Variants in GRIA2 observed in about 807,000 individuals in gnomAD.
GRIA2 encodes glutamate receptor 2.
In GRIA2, 14 loss-of-function variants were observed where a neutral mutation model predicts 97.3. The ratio of observed to expected loss-of-function variants is 0.14; its 90% confidence interval spans 0.10 to 0.23. The LOEUF (loss-of-function observed/expected upper bound fraction) is 0.23, where lower values mean the gene tolerates loss of function less well. GRIA2 is among the 10% of genes least tolerant of loss of function. The pLI, the probability that GRIA2 is intolerant of heterozygous loss-of-function variation, is 1.00. For missense variants in GRIA2, 558 were observed against 1,069.8 expected (o/e 0.52, Z 6.67); for synonymous variants, 412 against 387.8 (o/e 1.06, Z -0.73).
At chr4:157,276,237 T>C (rs1023800763) in intron 2 of GRIA2, among the ~76,000 whole-genome samples, 7 of 152,070 alleles carry the variant, frequency 4.6e-5, no homozygotes, top group Admixed American at 6.6e-5. Flanking sequence ...AACAGAAAGA[T>C]AGCTGGAAAA....
chr4:157,332,134 G>T (rs897855112), intron 6 of GRIA2, among the ~76,000 whole-genome samples: 5 of 152,040 alleles, frequency 3.3e-5, no homozygotes, highest in African/African-American at 1.2e-4. Flanking sequence ...ACAATGCCTT[G>T]TACACATGTA....
intron 2 of GRIA2, among the ~76,000 whole-genome samples, chr4:157,252,558 A>C (rs1310165988): frequency 6.6e-6 from 1 of 152,076 alleles, no homozygotes; most frequent in African/African-American, 2.4e-5. Context: ...GTGTGTGGTA[A>C]TATTGAGGAA....
At chr4:157,314,259 T>C (rs949736021) in intron 4 of GRIA2, among the ~76,000 whole-genome samples, 13 of 152,196 alleles carry the variant, frequency 8.5e-5, no homozygotes, top group African/African-American at 3.1e-4. Context: ...AGGAAAAAAT[T>C]TGATTCATTA....
At chr4:157,268,458 G>A (rs1050321881) in intron 2 of GRIA2, among the ~76,000 whole-genome samples, 1 of 151,816 alleles carries the variant, frequency 6.6e-6, no homozygotes, top group African/African-American at 2.4e-5. Context: ...AAAAATAATA[G>A]TACATACCTC....
At chr4:157,353,220 C>A (rs533875059) in intron 12 of GRIA2, among the ~76,000 whole-genome samples, 5 of 151,968 alleles carry the variant, frequency 3.3e-5, no homozygotes, top group African/African-American at 1.2e-4. Context: ...AGCGTGGTGG[C>A]GCATGCCTGT....
At chr4:157,307,106 T>A (rs6827338) in intron 3 of GRIA2, among the ~76,000 whole-genome samples, 53,878 of 151,822 alleles carry the variant, frequency 0.35, 10,018 homozygotes, top group African/African-American at 0.47. Flanking sequence ...ATATATTGGT[T>A]AATTATAATG....
At chr4:157,335,347 T>A (rs1735235097) in intron 9 of GRIA2, 1 of 307,546 alleles carries the variant, frequency 3.3e-6, no homozygotes, top group Non-Finnish European at 6.2e-6. Context: ...ATAAAATAGG[T>A]TTTGAGCAGT....
intron 2 of GRIA2, among the ~76,000 whole-genome samples, chr4:157,263,673 T>C (rs1399285803): frequency 6.6e-6 from 1 of 152,160 alleles, no homozygotes; most frequent in Admixed American, 6.6e-5. Flanking sequence ...AATTTAATAG[T>C]GTGTTGAGTT....
chr4:157,306,672 A>G (rs1176346753), intron 3 of GRIA2, among the ~76,000 whole-genome samples: 2 of 151,994 alleles, frequency 1.3e-5, no homozygotes, highest in Non-Finnish European at 2.9e-5. Flanking sequence ...AAAAGACTTG[A>G]CCTTTGTGTA....
chr4:157,241,225 A>C (rs1297530542), intron 2 of GRIA2, among the ~76,000 whole-genome samples: 1 of 152,144 alleles, frequency 6.6e-6, no homozygotes, highest in Admixed American at 6.6e-5. Flanking sequence ...TGAAAATTAC[A>C]TTTCCTTAGA....
intron 2 of GRIA2, among the ~76,000 whole-genome samples, chr4:157,245,766 G>C (rs976204013): frequency 1.3e-5 from 2 of 151,984 alleles, no homozygotes; most frequent in African/African-American, 4.8e-5. Context: ...TTTTGCCTAT[G>C]TCTGTCTGAA....
intron 2 of GRIA2, among the ~76,000 whole-genome samples, chr4:157,291,282 A>G (rs188830696): frequency 3.4e-4 from 51 of 151,984 alleles, no homozygotes; most frequent in African/African-American, 1.2e-3. Flanking sequence ...GTTTAGCTCC[A>G]TCTTCTGGCC....
rs192135311 is a variant in GRIA2 at position 157,291,413 on chromosome 4, G to A, written c.230-12139G>A. ...AAATAGACAATAACTAAATATTGAT[G>A]TTATGTAACTTGCAATATATTTTCT... On this transcript the variant is annotated intron_variant, in intron 2 of 15. Transcript: ENST00000264426. 2.7e-3 allele frequency among the ~76,000 whole-genome samples: 416 copies of A among 151,926 alleles called. 4 individuals carry two copies. The highest frequency in any genetic ancestry group is 9.4e-3 in the African/African-American group (392 of 41,514).
intron 2 of GRIA2, among the ~76,000 whole-genome samples, chr4:157,249,160 G>GTGCTAGACGCAGT (rs1451363381): frequency 2.6e-5 from 4 of 152,104 alleles, no homozygotes; most frequent in Non-Finnish European, 4.4e-5. Flanking sequence ...TACCTCAAAT[G>GTGCTAGACGCAGT]TGCTAGACGC....
intron 2 of GRIA2, among the ~76,000 whole-genome samples, chr4:157,288,696 A>G (rs1292344138): frequency 6.6e-6 from 1 of 151,808 alleles, no homozygotes; most frequent in African/African-American, 2.4e-5. Flanking sequence ...TTAGAAACAG[A>G]CAAATATCCT....
At chr4:157,305,965 A>G (rs1733823785) in intron 3 of GRIA2, among the ~76,000 whole-genome samples, 1 of 152,144 alleles carries the variant, frequency 6.6e-6, no homozygotes, top group Non-Finnish European at 1.5e-5. Flanking sequence ...CTCTGTACCC[A>G]GTGCTTCAGA....
At chr4:157,306,177 C>T (rs940077536) in intron 3 of GRIA2, among the ~76,000 whole-genome samples, 1 of 152,010 alleles carries the variant, frequency 6.6e-6, no homozygotes, top group African/African-American at 2.4e-5. Context: ...TACACTTCGC[C>T]TTCATCCTTA....
At chr4:157,249,852 T>C (rs1730946000) in intron 2 of GRIA2, 2 of 152,212 alleles carry the variant, frequency 1.3e-5, no homozygotes, top group Admixed American at 6.5e-5. Context: ...ACCATTTTAG[T>C]GGTAAGCCCA....
chr4:157,339,206 C>T (rs1735439364), intron 11 of GRIA2, among the ~76,000 whole-genome samples: 1 of 151,796 alleles, frequency 6.6e-6, no homozygotes, highest in African/African-American at 2.4e-5. Context: ...GGATTGTCCC[C>T]AATGACCCTA....
Sources: allele counts gnomAD v4.1 joint callset (sites outside exome capture counted in the v4.1 genomes callset), GRCh38; gene constraint gnomAD v4.1.1; transcripts MANE v1.5; gene names NCBI Gene and HGNC (gene_info 2026-07-23, HGNC 2026-07-21).